SLC22A3: variants seen among roughly 807,000 people sequenced by gnomAD.
SLC22A3 encodes the protein solute carrier family 22 member 3.
A neutral mutation model predicts 59.1 loss-of-function variants in SLC22A3; 51 were observed. The ratio of observed to expected loss-of-function variants is 0.86; its 90% CI spans 0.69 to 1.09. SLC22A3 has a LOEUF of 1.09. Among genes scored for constraint, SLC22A3 ranks in the 50% least tolerant of loss-of-function variants. SLC22A3 has a pLI of 0.00. For synonymous variants in SLC22A3, 325 were observed against 292.0 expected, an observed-to-expected ratio of 1.11 and a Z score of -1.15; for missense variants, 711 against 726.3, an observed-to-expected ratio of 0.98 and a Z score of 0.24.
chr6:160,395,014 T>A (rs1052421923), intron 1 of SLC22A3, among the ~76,000 whole-genome samples: 1 of 152,164 alleles, frequency 6.6e-6, no homozygotes, highest in East Asian at 1.9e-4. Flanking sequence ...AGTAAAGGAA[T>A]CTGAGAAATG....
At chr6:160,406,228 TCTCTA>T (rs1240434276) in intron 2 of SLC22A3, among the ~76,000 whole-genome samples, 2 of 152,170 alleles carry the variant, frequency 1.3e-5, no homozygotes, top group Non-Finnish European at 2.9e-5. Context: ...GCTACTTCCA[TCTCTA>T]CTCTGCTGAC....
intron 1 of SLC22A3, among the ~76,000 whole-genome samples, chr6:160,366,561 C>G (rs2114763735): frequency 6.6e-6 from 1 of 152,330 alleles, no homozygotes; most frequent in South Asian, 2.1e-4. Flanking sequence ...CCTCTTATCA[C>G]AGCTCCACCA....
intron 2 of SLC22A3, among the ~76,000 whole-genome samples, chr6:160,400,783 C>T (rs368086763): frequency 6.6e-6 from 1 of 151,584 alleles, no homozygotes; most frequent in African/African-American, 2.4e-5. Context: ...AAGTCTGATG[C>T]ATAAAGTAGC....
chr6:160,430,081 G>A (rs764719266), intron 5 of SLC22A3, among the ~76,000 whole-genome samples: 1 of 151,660 alleles, frequency 6.6e-6, no homozygotes, highest in Non-Finnish European at 1.5e-5. Flanking sequence ...GTGCATATAT[G>A]TATATATATA....
chr6:160,352,898 T>C (rs1356430564), intron 1 of SLC22A3, among the ~76,000 whole-genome samples: 1 of 152,228 alleles, frequency 6.6e-6, no homozygotes, highest in East Asian at 1.9e-4. Context: ...CTCAGCTCAC[T>C]GCAACCTTGC....
At chr6:160,448,842 A>G (rs1266395788) in intron 10 of SLC22A3, among the ~76,000 whole-genome samples, 1 of 152,188 alleles carries the variant, frequency 6.6e-6, no homozygotes, top group Non-Finnish European at 1.5e-5. Context: ...AGACTTCCAT[A>G]CTGTTTGATT....
intron 9 of SLC22A3, 113 bp downstream of exon 9, chr6:160,443,855 T>G (rs1788643683): frequency 2.1e-6 from 1 of 484,690 alleles, no homozygotes; most frequent in Non-Finnish European, 3.5e-6. Flanking sequence ...TATCTTATTA[T>G]AATAACTATT....
intron 1 of SLC22A3, among the ~76,000 whole-genome samples, chr6:160,379,323 G>T (rs539393922): frequency 2.0e-5 from 3 of 152,234 alleles, no homozygotes; most frequent in Non-Finnish European, 4.4e-5. Flanking sequence ...CTCCTTACAT[G>T]GGGTCTTAGA....
chr6:160,399,424 T>C (rs1291863407), intron 2 of SLC22A3, among the ~76,000 whole-genome samples: 1 of 152,202 alleles, frequency 6.6e-6, no homozygotes, highest in East Asian at 1.9e-4. Flanking sequence ...TTTTTTTCTC[T>C]TACTCAGTCA....
chr6:160,397,717 A>G (rs993881545), intron 1 of SLC22A3, among the ~76,000 whole-genome samples: 5 of 145,458 alleles, frequency 3.4e-5, no homozygotes, highest in Non-Finnish European at 7.5e-5. Flanking sequence ...CTGGTGACAG[A>G]GCGAGACTCC....
chr6:160,430,374 A>G (rs1368663290), intron 5 of SLC22A3, among the ~76,000 whole-genome samples: 1 of 152,182 alleles, frequency 6.6e-6, no homozygotes, highest in African/African-American at 2.4e-5. Flanking sequence ...ACCCGAGACC[A>G]GTCCTCCACG....
intron 1 of SLC22A3, among the ~76,000 whole-genome samples, chr6:160,370,370 A>C (rs1175991718): frequency 6.6e-6 from 1 of 152,248 alleles, no homozygotes; most frequent in African/African-American, 2.4e-5. Context: ...GTTTGTCTCC[A>C]GTCCAAACAT....
At chr6:160,406,998 G>C in intron 2 of SLC22A3, 43 bp from the exon 3 acceptor site, 2 of 1,609,494 alleles carry the variant, frequency 1.2e-6, no homozygotes, top group Non-Finnish European at 1.7e-6. Flanking sequence ...TTGTGTTGAA[G>C]AAAATGTTTA....
intron 5 of SLC22A3, among the ~76,000 whole-genome samples, chr6:160,417,407 A>AT (rs1787544416): frequency 6.6e-6 from 1 of 152,204 alleles, no homozygotes; most frequent in Non-Finnish European, 1.5e-5. Context: ...TTTCCCCAGT[A>AT]AACTACTGCT....
chr6:160,407,381 A>G (rs1280125557), intron 3 of SLC22A3, among the ~76,000 whole-genome samples, 186 bp downstream of exon 3: 1 of 152,190 alleles, frequency 6.6e-6, no homozygotes, highest in East Asian at 1.9e-4. Context: ...AGAAACTAAA[A>G]TACCACCTTA....
At chr6:160,437,740 A>G (rs1442761779) in intron 7 of SLC22A3, among the ~76,000 whole-genome samples, 1 of 152,214 alleles carries the variant, frequency 6.6e-6, no homozygotes, top group Non-Finnish European at 1.5e-5. Context: ...TAGATTGGGG[A>G]GGAGTGATCA....
intron 1 of SLC22A3, among the ~76,000 whole-genome samples, chr6:160,369,103 C>T (rs1242537143): frequency 6.6e-6 from 1 of 152,162 alleles, no homozygotes; most frequent in Non-Finnish European, 1.5e-5. Flanking sequence ...TTTCCAAGTG[C>T]CTACTTGAAC....
At chr6:160,418,258 C>T (rs1038863493) in intron 5 of SLC22A3, among the ~76,000 whole-genome samples, 1 of 152,174 alleles carries the variant, frequency 6.6e-6, no homozygotes, top group East Asian at 1.9e-4. Flanking sequence ...TTCTAGCTTT[C>T]ATCATTCTCC....
intron 7 of SLC22A3, among the ~76,000 whole-genome samples, chr6:160,437,644 T>C (rs960009992): frequency 6.6e-6 from 1 of 152,256 alleles, no homozygotes; most frequent in Non-Finnish European, 1.5e-5. Context: ...GATACTTTAA[T>C]ATTGTCACGA....
Sources: allele counts gnomAD v4.1 joint callset (sites outside exome capture counted in the v4.1 genomes callset), GRCh38; gene constraint gnomAD v4.1.1; transcripts MANE v1.5; gene names NCBI Gene and HGNC (gene_info 2026-07-23, HGNC 2026-07-21).